Variants in ADARB2 observed in about 807,000 individuals in gnomAD.
The protein encoded by ADARB2 is inactive double-stranded RNA-specific editase B2.
Under a neutral mutation model 62.2 loss-of-function variants are expected in ADARB2, and 25 were observed. The ratio of observed to expected loss-of-function variants is 0.40; its 90% CI spans 0.29 to 0.56. The LOEUF (loss-of-function observed/expected upper bound fraction) is 0.56. ADARB2 is among the 20% of genes least tolerant of loss of function. The pLI, the probability that ADARB2 is intolerant of heterozygous loss-of-function variation, is 0.43. For synonymous variants in ADARB2, 572 were observed against 500.8 expected, an observed-to-expected ratio of 1.14 and a Z score of -1.90; for missense variants, 1,071 against 1,077.4, an observed-to-expected ratio of 0.99 and a Z score of 0.08.
intron 1 of ADARB2, among the ~76,000 whole-genome samples, chr10:1,680,940 A>C (rs1834527692): frequency 6.6e-6 from 1 of 152,256 alleles, no homozygotes; most frequent in Non-Finnish European, 1.5e-5. Flanking sequence ...TGTTCTGGCC[A>C]GAAATGGGCA....
intron 1 of ADARB2, among the ~76,000 whole-genome samples, chr10:1,490,354 C>A (rs1390007161): frequency 6.6e-6 from 1 of 152,184 alleles, no homozygotes; most frequent in African/African-American, 2.4e-5. Flanking sequence ...TATCTGAAAG[C>A]ACTTAACTGT....
At chr10:1,195,145 A>G (rs979331747) in intron 8 of ADARB2, among the ~76,000 whole-genome samples, 2 of 151,828 alleles carry the variant, frequency 1.3e-5, no homozygotes, top group East Asian at 1.9e-4. Flanking sequence ...CTTCTCAGGG[A>G]CTCTTACAGG....
intron 1 of ADARB2, among the ~76,000 whole-genome samples, chr10:1,591,659 G>GCACACACACACA (rs1255744378): frequency 1.1e-4 from 14 of 122,684 alleles, no homozygotes; most frequent in East Asian, 2.5e-4. Context: ...AGGCGTGCAC[G>GCACACACACACA]CACACACACA....
At chr10:1,218,626 G>A (rs1348983146) in intron 6 of ADARB2, among the ~76,000 whole-genome samples, 3 of 152,134 alleles carry the variant, frequency 2.0e-5, no homozygotes, top group Non-Finnish European at 4.4e-5. Context: ...CCCCAGTGTC[G>A]GAGGTGGAAT....
At chr10:1,538,726 G>A (rs1832366595) in intron 1 of ADARB2, among the ~76,000 whole-genome samples, 2 of 152,242 alleles carry the variant, frequency 1.3e-5, no homozygotes, top group Non-Finnish European at 2.9e-5. Flanking sequence ...TGCCACTAGA[G>A]GACGTCACAA....
chr10:1,681,334 A>G (rs144136146), intron 1 of ADARB2, among the ~76,000 whole-genome samples: 30 of 152,284 alleles, frequency 2.0e-4, no homozygotes, highest in Admixed American at 3.3e-4. Context: ...ACCAGAACAC[A>G]TGTGGTATGG....
At chr10:1,303,466 C>G (rs1016745987) in intron 3 of ADARB2, among the ~76,000 whole-genome samples, 1 of 152,150 alleles carries the variant, frequency 6.6e-6, no homozygotes, top group Non-Finnish European at 1.5e-5. Flanking sequence ...AGGATATTAT[C>G]CAGGAGAATT....
chr10:1,603,734 A>G (rs1833460397), intron 1 of ADARB2, among the ~76,000 whole-genome samples: 1 of 151,914 alleles, frequency 6.6e-6, no homozygotes, highest in African/African-American at 2.4e-5. Context: ...ATCGTAAAAA[A>G]TGGAGTCCTA....
chr10:1,220,707 T>A (rs1265298917), intron 6 of ADARB2, among the ~76,000 whole-genome samples: 1 of 152,236 alleles, frequency 6.6e-6, no homozygotes, highest in African/African-American at 2.4e-5. Context: ...ACGTTTTAAC[T>A]ATTGTGGTCT....
At chr10:1,259,240 C>T (rs567982010) in intron 4 of ADARB2, among the ~76,000 whole-genome samples, 1 of 152,262 alleles carries the variant, frequency 6.6e-6, no homozygotes, top group South Asian at 2.1e-4. Context: ...GTGAAAAGAA[C>T]TAGACAAGCA....
At chr10:1,619,298 A>G (rs78753935) in intron 1 of ADARB2, among the ~76,000 whole-genome samples, 46,604 of 144,190 alleles carry the variant, frequency 0.32, 7,463 homozygotes, top group South Asian at 0.43. Flanking sequence ...GTAAAAAAAA[A>G]AAAAAAAAAA....
chr10:1,539,169 G>A (rs1832377242), intron 1 of ADARB2, among the ~76,000 whole-genome samples: 1 of 152,208 alleles, frequency 6.6e-6, no homozygotes, highest in Admixed American at 6.5e-5. Flanking sequence ...TTCAAAGCCG[G>A]CCTTAGGATG....
intron 1 of ADARB2, among the ~76,000 whole-genome samples, chr10:1,615,893 C>T (rs1399362978): frequency 6.6e-6 from 1 of 152,228 alleles, no homozygotes; most frequent in African/African-American, 2.4e-5. Context: ...ATTCACCAGC[C>T]TATGATGTTC....
chr10:1,703,437 G>C (rs10430754), intron 1 of ADARB2, among the ~76,000 whole-genome samples: 6,434 of 150,040 alleles, frequency 0.043, 262 homozygotes, highest in East Asian at 0.16. Context: ...GCTGAGGGGT[G>C]GGGGGAGACT....
intron 4 of ADARB2, among the ~76,000 whole-genome samples, chr10:1,268,784 G>A (rs1477228324): frequency 2.0e-5 from 3 of 152,312 alleles, no homozygotes; most frequent in Admixed American, 2.0e-4. Context: ...AATTAGTGAA[G>A]CTCTACCTTA....
chr10:1,361,181 C>A (rs1289658817), intron 3 of ADARB2: 1 of 152,652 alleles, frequency 6.6e-6, no homozygotes, highest in Non-Finnish European at 1.5e-5. Context: ...CTCTCCCAGT[C>A]TCCCCACCCC....
intron 1 of ADARB2, among the ~76,000 whole-genome samples, chr10:1,499,366 C>T (rs1244557693): frequency 1.3e-5 from 2 of 151,952 alleles, no homozygotes; most frequent in Admixed American, 6.6e-5. Context: ...CATTACTCAT[C>T]ACTCACTTAT....
intron 2 of ADARB2, among the ~76,000 whole-genome samples, chr10:1,375,583 C>T (rs900046359): frequency 6.6e-6 from 1 of 152,236 alleles, no homozygotes; most frequent in Non-Finnish European, 1.5e-5. Flanking sequence ...GTGCAATACA[C>T]GCCAGGTGGG....
intron 1 of ADARB2, among the ~76,000 whole-genome samples, chr10:1,552,782 C>A (rs1175631801): frequency 6.6e-6 from 1 of 152,186 alleles, no homozygotes; most frequent in African/African-American, 2.4e-5. Flanking sequence ...CAGAGAGCAC[C>A]TTCCTCTGGC....
Sources: gnomAD v4.1 joint callset for allele counts (sites outside exome capture counted in the v4.1 genomes callset) on GRCh38, gnomAD v4.1.1 for gene constraint, MANE v1.5 for transcripts, NCBI Gene and HGNC (gene_info 2026-07-23, HGNC 2026-07-21) for gene names.